SNX4: variants seen among roughly 807,000 people sequenced by gnomAD.
SNX4 encodes the protein sorting nexin-4.
SNX4 carries 49 observed loss-of-function variants against 70.8 expected under a neutral mutation model. The ratio of observed to expected loss-of-function variants is 0.69; its 90% CI spans 0.55 to 0.88. The LOEUF (loss-of-function observed/expected upper bound fraction) is 0.88. Ranked by LOEUF, SNX4 falls within the 40% of genes least tolerant of loss-of-function variation. The pLI is 0.00. For synonymous variants in SNX4, 206 were observed against 183.8 expected (o/e 1.12, Z -0.98); for missense variants, 528 against 544.8 (o/e 0.97, Z 0.31).
chr3:125,503,997 G>A (rs954170063), intron 2 of SNX4, among the ~76,000 whole-genome samples: 2 of 152,066 alleles, frequency 1.3e-5, no homozygotes, highest in African/African-American at 4.8e-5. Context: ...AGGAGTTTGA[G>A]ACCAGACTGA....
intron 9 of SNX4, among the ~76,000 whole-genome samples, chr3:125,462,055 G>A (rs1429843071): frequency 6.6e-6 from 1 of 152,172 alleles, no homozygotes; most frequent in Non-Finnish European, 1.5e-5. Context: ...TGTACAGAAT[G>A]TGATGGCTCC....
chr3:125,458,196 A>C (rs997644254), intron 10 of SNX4, among the ~76,000 whole-genome samples: 1 of 145,632 alleles, frequency 6.9e-6, no homozygotes, highest in African/African-American at 2.6e-5. Flanking sequence ...TTTTGGAGAC[A>C]AGGTCTCACT....
intron 8 of SNX4, among the ~76,000 whole-genome samples, chr3:125,476,294 G>A (rs1934287279): frequency 6.7e-6 from 1 of 148,182 alleles, no homozygotes; most frequent in African/African-American, 2.5e-5. Flanking sequence ...AAAAAGGGCT[G>A]GGTGCAGTGG....
intron 4 of SNX4, among the ~76,000 whole-genome samples, 198 bp downstream of exon 4, chr3:125,497,636 C>T (rs906040879): frequency 6.6e-6 from 1 of 151,738 alleles, no homozygotes; most frequent in Non-Finnish European, 1.5e-5. Flanking sequence ...TTAAATGATA[C>T]CAAAAATACC....
chr3:125,495,275 T>TATATATATATATATAC lies in SNX4; in HGVS notation c.597+2065_597+2066insGTATATATATATATAT. On this transcript the variant is annotated intron_variant, in intron 5 of 13. Transcript: ENST00000251775. ...TTATATATATATATATATATATATATATACACATACACACACACACACGTA... is the reference window on the plus strand; with the variant it reads ...TTATATATATATATATATATATATATATATATATATATATACATACACATACACACACACACACGTA... 9.6e-4 allele frequency among the ~76,000 whole-genome samples: 80 copies of TATATATATATATATAC among 83,048 alleles called. 1 individual carries two copies. Among genetic ancestry groups the TATATATATATATATAC allele is most frequent in the African/African-American group, 2.5e-3 (70 of 27,580 alleles). 54.5% of individuals were successfully genotyped at this position (83,048 alleles called of 152,430 possible).
At chr3:125,455,874 G>A (rs953560791) in intron 11 of SNX4, among the ~76,000 whole-genome samples, 10 of 152,088 alleles carry the variant, frequency 6.6e-5, no homozygotes, top group Admixed American at 3.3e-4. Context: ...AAAATTGGTC[G>A]GGCGTGGTGG....
intron 1 of SNX4, among the ~76,000 whole-genome samples, chr3:125,514,389 CTT>C (rs57357708): frequency 0.06 from 7,560 of 127,012 alleles, 388 homozygotes; most frequent in African/African-American, 0.17. Context: ...GTGACCAACA[CTT>C]TTTTTTTTTT....
chr3:125,455,858 A>C (rs994321692), intron 11 of SNX4, among the ~76,000 whole-genome samples: 1 of 141,600 alleles, frequency 7.1e-6, no homozygotes, highest in African/African-American at 3.0e-5. Flanking sequence ...CTAAAAGTGC[A>C]AAAAAAAAAT....
intron 6 of SNX4, among the ~76,000 whole-genome samples, chr3:125,482,321 C>T (rs1934430241): frequency 6.6e-6 from 1 of 152,216 alleles, no homozygotes; most frequent in African/African-American, 2.4e-5. Flanking sequence ...CTCCTCAAAT[C>T]TTTCCCTTGT....
intron 5 of SNX4, among the ~76,000 whole-genome samples, chr3:125,494,042 A>G (rs1005392776): frequency 2.6e-5 from 4 of 152,018 alleles, no homozygotes; most frequent in Non-Finnish European, 5.9e-5. Flanking sequence ...ATCTCAAAAA[A>G]AAAAAAAAGA....
At chr3:125,457,501 G>GT (rs1389110435) in intron 10 of SNX4, 136 bp from the exon 11 acceptor site, 2 of 514,502 alleles carry the variant, frequency 3.9e-6, no homozygotes, top group Non-Finnish European at 7.1e-6. Context: ...AGTTTAAAAT[G>GT]TAGTAGCCCA....
intron 8 of SNX4, among the ~76,000 whole-genome samples, chr3:125,472,369 C>T (rs767343977): frequency 1.0e-3 from 153 of 152,102 alleles, no homozygotes; most frequent in Non-Finnish European, 1.5e-3. Flanking sequence ...CACAAACTGG[C>T]GCTGCTCAGC....
chr3:125,518,464 A>C (rs548542951), intron 1 of SNX4, among the ~76,000 whole-genome samples: 130 of 151,498 alleles, frequency 8.6e-4, no homozygotes, highest in Non-Finnish European at 1.2e-3. Flanking sequence ...CCTGTCTCAA[A>C]GAAAAAAAAA....
intron 1 of SNX4, among the ~76,000 whole-genome samples, chr3:125,510,496 T>C (rs756203414): frequency 6.6e-6 from 1 of 152,172 alleles, no homozygotes; most frequent in African/African-American, 2.4e-5. Flanking sequence ...CCCAAAGTGC[T>C]GGGATTACAG....
intron 11 of SNX4, among the ~76,000 whole-genome samples, chr3:125,456,309 T>A (rs1933713460): frequency 6.6e-6 from 1 of 152,200 alleles, no homozygotes; most frequent in African/African-American, 2.4e-5. Flanking sequence ...TTCTGCAAAG[T>A]ACCTTGCAAA....
At chr3:125,485,909 T>C (rs140468462) in intron 6 of SNX4, among the ~76,000 whole-genome samples, 7,297 of 152,060 alleles carry the variant, frequency 0.048, 405 homozygotes, top group African/African-American at 0.13. Flanking sequence ...GGCGCGATCT[T>C]GGCTCACTGC....
At chr3:125,510,272 G>A (rs927685952) in intron 1 of SNX4, among the ~76,000 whole-genome samples, 4 of 148,760 alleles carry the variant, frequency 2.7e-5, no homozygotes, top group Non-Finnish European at 5.9e-5. Context: ...TTGCAGTGTC[G>A]CCCAGGCTGG....
chr3:125,449,432 AG>A (rs992846988), intron 13 of SNX4, among the ~76,000 whole-genome samples: 1 of 151,344 alleles, frequency 6.6e-6, no homozygotes, highest in Non-Finnish European at 1.5e-5. Flanking sequence ...AAAAAAAAAA[AG>A]AAAGAAAGAA....
intron 2 of SNX4, among the ~76,000 whole-genome samples, chr3:125,502,672 C>G (rs1289291222): frequency 6.6e-6 from 1 of 151,616 alleles, no homozygotes; most frequent in Non-Finnish European, 1.5e-5. Flanking sequence ...AATTCGAGAC[C>G]AGTCTGGCCA....
Sources: allele counts gnomAD v4.1 joint callset (sites outside exome capture counted in the v4.1 genomes callset), GRCh38; gene constraint gnomAD v4.1.1; transcripts MANE v1.5; gene names NCBI Gene and HGNC (gene_info 2026-07-23, HGNC 2026-07-21).